Variants in HYOU1 observed in about 807,000 individuals in gnomAD.
The protein encoded by HYOU1 is hypoxia up-regulated protein 1.
HYOU1 carries 40 observed loss-of-function variants against 120.5 expected under a neutral mutation model. The observed-to-expected ratio is 0.33, with a 90% CI of 0.26 to 0.43. The LOEUF is 0.43. Among genes scored for constraint, HYOU1 ranks in the 20% least tolerant of loss-of-function variants. The probability of loss-of-function intolerance (pLI) is 1.00; values close to 1 mark genes in which losing one functional copy is unlikely to be tolerated. For missense variants in HYOU1, 1,085 were observed against 1,278.3 expected, an observed-to-expected ratio of 0.85 and a Z score of 2.31; for synonymous variants, 501 against 479.4, an observed-to-expected ratio of 1.05 and a Z score of -0.59.
intron 6 of HYOU1, 127 bp downstream of exon 6, chr11:119,054,857 G>A (rs966368278): frequency 3.5e-6 from 4 of 1,140,162 alleles, no homozygotes; most frequent in African/African-American, 3.1e-5. Flanking sequence ...CCCCTCAGAT[G>A]TGACAACCAA....
chr11:119,049,357 C>A lies in HYOU1; in HGVS notation c.1807-154G>T, dbSNP rs2133572363. The A allele has an allele frequency of 1.5e-5, 24 of 1,553,318 alleles. No homozygotes were observed. The African/African-American group carries it at 3.3e-4, about 21-fold the overall frequency. ...CTTGGACTGTGGCAATCTAGCTGGA[C>A]AAAGGAAGAGCATCTGCAATGAGGG... is the stretch of plus-strand genomic sequence containing the variant. On this transcript the variant is annotated intron_variant, in intron 16 of 25. Coordinates refer to ENST00000617285, the MANE Select transcript of HYOU1 (RefSeq NM_006389.5).
At chr11:119,054,089 C>G in intron 8 of HYOU1, 32 bp downstream of exon 8, 1 of 1,421,558 alleles carries the variant, frequency 7.0e-7, no homozygotes, top group Non-Finnish European at 9.9e-7. Context: ...AGGGTCTTCA[C>G]AAGCAGCCCT....
In HYOU1 at chr11:119,048,315, T is replaced by A; in HGVS notation, c.2309A>T (p.Glu770Val). The A allele has an allele frequency of 1.9e-6, 3 of 1,610,904 alleles. No homozygotes were observed. In the South Asian group the frequency reaches 3.3e-5, roughly 18 times the overall value. Reference sequence around the variant, plus strand: ...TGCGGCGCTGAGCTTCCCAGAGATCTCCTCACGCTGCTCCTCTGTGGACAC... The same window carrying A: ...TGCGGCGCTGAGCTTCCCAGAGATCACCTCACGCTGCTCCTCTGTGGACAC... ...QEVSTEEQRE[E>V]ISGKLSAAST... The change falls in exon 20 of 26, where the codon GAG becomes GTG. Residue 770 changes from glutamate to valine, a missense_variant. Glu to Val is a moderately radical substitution (Grantham distance 121). This residue lies in a region of HYOU1 where 516 missense variants were observed against 517.1 expected (regional missense o/e 1.00). Transcript: ENST00000617285. The surrounding 1 kb of genome is among the most constrained non-coding windows in gnomAD (Gnocchi z 4.7).
At position 119,048,651 on chromosome 11, in the gene HYOU1, C is replaced by G. The variant is rs1839838972; in HGVS notation, c.2165+63G>C. 1 of 1,606,570 alleles carries G rather than the reference C, an allele frequency of 6.2e-7. No homozygotes were observed. Among genetic ancestry groups the G allele is most frequent in the African/African-American group, 1.3e-5 (1 of 74,874 alleles). ...CCGACAGCCCTCCCTCCCAGGGCGC[C>G]ATCCCACATCCTGCCCACCTTGCAC... On this transcript the variant is annotated intron_variant, in intron 18 of 25. Coordinates refer to ENST00000617285, the MANE Select transcript of HYOU1 (RefSeq NM_006389.5). This position sits in a 1 kb window ranked among gnomAD's most constrained non-coding sequence, Gnocchi z 4.7.
Position 119,055,873 on chromosome 11 carries a change from T to C in HYOU1, c.92-30A>G. On this transcript the variant is annotated intron_variant, in intron 2 of 25. Coordinates refer to ENST00000617285, the MANE Select transcript of HYOU1 (RefSeq NM_006389.5). This position sits in a 1 kb window ranked among gnomAD's most constrained non-coding sequence, Gnocchi z 4.0. ...AGGGAAAAGAGGTTTGTCAGTTAGC[T>C]CTCCCTTCGCCCACCTTCCTGGGAC... 7 of 1,587,766 alleles carry C rather than the reference T, an allele frequency of 4.4e-6. No individual in the cohort carries two copies. The highest frequency in any genetic ancestry group is 6.1e-6 in the Non-Finnish European group (7 of 1,156,058).
rs1018212189 is a variant in HYOU1 at position 119,052,558 on chromosome 11, G to A, written c.987+79C>T. 74 of 1,568,728 alleles carry A rather than the reference G, an allele frequency of 4.7e-5. No homozygotes were observed. The highest frequency in any genetic ancestry group is 5.9e-5 in the Non-Finnish European group (68 of 1,151,640). On this transcript the variant is annotated intron_variant, in intron 9 of 25. Coordinates refer to ENST00000617285, the MANE Select transcript of HYOU1 (RefSeq NM_006389.5). This position sits in a 1 kb window ranked among gnomAD's most constrained non-coding sequence, Gnocchi z 5.0. ...GAGGAGCATGGGCCATGCCAGGCAC[G>A]AGCAGCCCAGTTCAGTGGCAGGGTC...
chr11:119,055,691 T>A lies in HYOU1; in HGVS notation c.185+59A>T. On this transcript the variant is annotated intron_variant, in intron 3 of 25. Transcript: ENST00000617285. This position sits in a 1 kb window ranked among gnomAD's most constrained non-coding sequence, Gnocchi z 4.0. ...TGCTGTGGGCACTATGACTAACACA[T>A]TCACACTTGGAGCCCAGACTCCCTC... The A allele has an allele frequency of 6.6e-7, 1 of 1,523,206 alleles. No individual in the cohort carries two copies. The highest frequency in any genetic ancestry group is 2.2e-5 in the East Asian group (1 of 44,450). The allele number at this position is 1,523,206 out of a possible 1,614,324, so 94.4% of individuals were successfully genotyped here.
At position 119,055,255 on chromosome 11, in the gene HYOU1, G is replaced by C; in HGVS notation, c.349C>G (p.Gln117Glu). The change falls in exon 5 of 26, where the codon CAG (glutamine) becomes GAG (glutamate). Residue 117 changes from glutamine to glutamate, a missense_variant. Around this residue, in one of 4 missense-constraint regions of HYOU1, gnomAD observed 515 missense variants for 677.8 expected, o/e 0.76. Coordinates refer to ENST00000617285, the MANE Select transcript of HYOU1 (RefSeq NM_006389.5). This position sits in a 1 kb window ranked among gnomAD's most constrained non-coding sequence, Gnocchi z 4.0. ...AGCTCGTGCTCCGGGAAGCGGGCCT[G>C]GTAAAGAGCTACATGGGGGTTATCT... Reference protein sequence around the residue: ...QADNPHVALYQARFPEHELTF... With the variant: ...QADNPHVALYEARFPEHELTF... The C allele has an allele frequency of 1.9e-6, 3 of 1,614,126 alleles. No individual in the cohort carries two copies. The highest frequency in any genetic ancestry group is 1.7e-6 in the Non-Finnish European group (2 of 1,180,016).
chr11:119,047,776 C>T lies in HYOU1; in HGVS notation c.2553G>A (p.Glu851=). 1 of 1,614,140 alleles carries T rather than the reference C, an allele frequency of 6.2e-7. No homozygotes were observed. The highest frequency in any genetic ancestry group is 1.1e-5 in the South Asian group (1 of 91,074). ...CTTTCTCTAACGTTGTCATCTCCAC[C>T]TCAGTGAAGATCTGGTCCATCTCTG... is the stretch of plus-strand genomic sequence containing the variant. ...LIPEMDQIFT[E]VEMTTLEKVI... The change falls in exon 22 of 26, where the codon GAG becomes GAA. Residue 851 remains glutamate, a synonymous_variant. Transcript: ENST00000617285.
chr11:119,052,544 G>A lies in HYOU1; in HGVS notation c.987+93C>T, dbSNP rs1944504783. ...GAGGATGGTAGCGGGAGGAGCATGG[G>A]CCATGCCAGGCACGAGCAGCCCAGT... On this transcript the variant is annotated intron_variant, in intron 9 of 25. Transcript: ENST00000617285. This position sits in a 1 kb window ranked among gnomAD's most constrained non-coding sequence, Gnocchi z 5.0. 1.3e-6 allele frequency: 2 copies of A among 1,571,374 alleles called. No homozygotes were observed. The highest frequency in any genetic ancestry group is 2.2e-5 in the East Asian group (1 of 44,550).
chr11:119,055,488 C>G lies in HYOU1; in HGVS notation c.264+5G>C. 6.2e-7 allele frequency: 1 copy of G among 1,613,798 alleles called. No individual in the cohort carries two copies. The highest frequency in any genetic ancestry group is 8.5e-7 in the Non-Finnish European group (1 of 1,179,698). ...CCACTCTGGGAAGAGGGACTGCTAGCTCACCATGCTTGCTGCACTGTCTCC... is the reference window on the plus strand; with the variant it reads ...CCACTCTGGGAAGAGGGACTGCTAGGTCACCATGCTTGCTGCACTGTCTCC... On this transcript the variant is annotated splice_donor_5th_base_variant and intron_variant, in intron 4 of 25. Coordinates refer to ENST00000617285, the MANE Select transcript of HYOU1 (RefSeq NM_006389.5). The surrounding 1 kb of genome is among the most constrained non-coding windows in gnomAD (Gnocchi z 4.0).
At chr11:119,050,614 A>C (rs1944369046) in intron 14 of HYOU1, among the ~76,000 whole-genome samples, 1 of 150,692 alleles carries the variant, frequency 6.6e-6, no homozygotes, top group Non-Finnish European at 1.5e-5. Flanking sequence ...CCAGCTACTC[A>C]AGAGGCTGAG....
Position 119,055,156 on chromosome 11 carries a change from G to A in HYOU1, c.419+29C>T, listed in dbSNP as rs2133610511. The A allele has an allele frequency of 1.5e-4, 244 of 1,611,380 alleles. No individual in the cohort carries two copies. Among genetic ancestry groups the A allele is most frequent in the Non-Finnish European group, 1.8e-4 (215 of 1,178,112 alleles). ...CAATGAGGAGCCCAGCAGCGTTGCC[G>A]AGACCACCTTCCCCAACAGAGCACT... On this transcript the variant is annotated intron_variant, in intron 5 of 25. Coordinates refer to ENST00000617285, the MANE Select transcript of HYOU1 (RefSeq NM_006389.5). The surrounding 1 kb of genome is among the most constrained non-coding windows in gnomAD (Gnocchi z 4.0).
chr11:119,053,073 C>T (rs2133597569), intron 8 of HYOU1: 10 of 441,204 alleles, frequency 2.3e-5, no homozygotes. Context: ...ATGTACTTCC[C>T]TCTGGGAATA....
At position 119,048,427 on chromosome 11, in the gene HYOU1, G is replaced by A; in HGVS notation, c.2253+49C>T. The A allele has an allele frequency of 1.2e-6, 2 of 1,612,472 alleles. No individual in the cohort carries two copies. The highest frequency in any genetic ancestry group is 1.7e-6 in the Non-Finnish European group (2 of 1,179,712). On this transcript the variant is annotated intron_variant, in intron 19 of 25. Coordinates refer to ENST00000617285, the MANE Select transcript of HYOU1 (RefSeq NM_006389.5). The surrounding 1 kb of genome is among the most constrained non-coding windows in gnomAD (Gnocchi z 4.7). ...CACAAGCCCAGAGGCAAGGCCCACA[G>A]AGCCAGGTGTAAGCCCAGTGGGGGG... is the stretch of plus-strand genomic sequence containing the variant.
At position 119,047,968 on chromosome 11, in the gene HYOU1, T is replaced by A; in HGVS notation, c.2489A>T (p.Asn830Ile). The A allele has an allele frequency of 6.2e-7, 1 of 1,614,142 alleles. No individual in the cohort carries two copies. The highest frequency in any genetic ancestry group is 8.5e-7 in the Non-Finnish European group (1 of 1,180,016). The change falls in exon 21 of 26, where the codon AAC becomes ATC. Residue 830 changes from asparagine (N) to isoleucine (I), a missense_variant. Transcript: ENST00000617285. ...ERLSALDNLL[N>I]HSSMFLKGAR... ...TCACTTGAGGAACATGCTGGAATGG[T>A]TGAGGAGATTATCGAGGGCAGACAG...
chr11:119,047,921 G>A (rs2133559450), intron 21 of HYOU1, 26 bp downstream of exon 21: 1 of 1,613,866 alleles, frequency 6.2e-7, no homozygotes, highest in Non-Finnish European at 8.5e-7. Context: ...TGGCAGGACT[G>A]CAAAAAGGGT....
Position 119,048,942 on chromosome 11 carries a change from A to G in HYOU1, c.1993-56T>C. 1.9e-6 allele frequency: 3 copies of G among 1,608,994 alleles called. No homozygotes were observed. Among genetic ancestry groups the G allele is most frequent in the South Asian group, 1.1e-5 (1 of 90,628 alleles). On this transcript the variant is annotated intron_variant, in intron 17 of 25. Transcript: ENST00000617285. The surrounding 1 kb of genome is among the most constrained non-coding windows in gnomAD (Gnocchi z 4.7). ...AAGCCTCTGCCCTCCTACATTCTCC[A>G]CAAGGCCAGAAACAAGGCAGGCGCC...
At position 119,051,162 on chromosome 11, in the gene HYOU1, G is replaced by A. The variant is rs2133582905; in HGVS notation, c.1538C>T (p.Ser513Phe). The change falls in exon 14 of 26, where the codon TCC becomes TTC. Residue 513 changes from serine to phenylalanine, a missense_variant. Coordinates refer to ENST00000617285, the MANE Select transcript of HYOU1 (RefSeq NM_006389.5). The surrounding 1 kb of genome is among the most constrained non-coding windows in gnomAD (Gnocchi z 4.2). Reference protein sequence around the residue: ...LGPEDLRVFGSQNLTTVKLKG... With the variant: ...LGPEDLRVFGFQNLTTVKLKG... Reference sequence around the variant, plus strand: ...TAGCTTCACTGTGGTCAGATTCTGGGAGCCAAATACCCTGGTTGGGAAGGA... The same window carrying A: ...TAGCTTCACTGTGGTCAGATTCTGGAAGCCAAATACCCTGGTTGGGAAGGA... The A allele has an allele frequency of 6.2e-7, 1 of 1,614,074 alleles. No homozygotes were observed. Among genetic ancestry groups the A allele is most frequent in the African/African-American group, 1.3e-5 (1 of 74,910 alleles).
Sources: allele counts gnomAD v4.1 joint callset (sites outside exome capture counted in the v4.1 genomes callset), GRCh38; gene constraint gnomAD v4.1.1; regional missense constraint gnomAD v4.1.1; non-coding constraint Gnocchi (gnomAD v3.1); transcripts MANE v1.5; gene names NCBI Gene and HGNC (gene_info 2026-07-23, HGNC 2026-07-21).